Variants in SPAG16 observed in about 807,000 individuals in gnomAD.
SPAG16 encodes sperm-associated antigen 16 protein.
SPAG16 carries 86 observed loss-of-function variants against 80.4 expected under a neutral mutation model. The ratio of observed to expected loss-of-function variants is 1.07; its 90% CI spans 0.90 to 1.28. The LOEUF (loss-of-function observed/expected upper bound fraction) is 1.28. SPAG16 is among the 50% of genes most tolerant of loss of function. The pLI, the probability that SPAG16 is intolerant of heterozygous loss-of-function variation, is 0.00. For missense variants in SPAG16, 870 were observed against 765.3 expected (o/e 1.14, Z -1.61); for synonymous variants, 294 against 265.9 (o/e 1.11, Z -1.03).
chr2:214,250,905 G>T (rs778134801), intron 15 of SPAG16, among the ~76,000 whole-genome samples: 61 of 150,490 alleles, frequency 4.1e-4, no homozygotes, highest in Non-Finnish European at 8.0e-4. Context: ...TTGATGGTTT[G>T]TTCCACTTTA....
At chr2:213,669,121 TG>T (rs2125213552) in intron 10 of SPAG16, among the ~76,000 whole-genome samples, 1 of 152,352 alleles carries the variant, frequency 6.6e-6, no homozygotes, top group African/African-American at 2.4e-5. Context: ...TGTTTGATTT[TG>T]TTTGGATAGG....
intron 15 of SPAG16, among the ~76,000 whole-genome samples, chr2:214,386,256 T>C (rs1574475364): frequency 1.3e-5 from 2 of 152,022 alleles, no homozygotes; most frequent in South Asian, 4.2e-4. Context: ...TCGCCTGTAA[T>C]CCCAGCTACT....
chr2:214,010,779 C>T (rs114083821), intron 12 of SPAG16, among the ~76,000 whole-genome samples: 2,859 of 146,148 alleles, frequency 0.02, 228 homozygotes, highest in South Asian at 0.057. Context: ...AGGAGGGACG[C>T]TGAGTTTGAG....
chr2:214,193,429 G>GTGTGTGTGTGTGTGT (rs1559119411), intron 15 of SPAG16, among the ~76,000 whole-genome samples: 2 of 67,910 alleles, frequency 2.9e-5, no homozygotes, highest in African/African-American at 9.0e-5. Context: ...GTGTGTATGA[G>GTGTGTGTGTGTGTGT]AGAGAGAGAG....
intron 10 of SPAG16, among the ~76,000 whole-genome samples, chr2:213,790,769 G>C (rs968450282): frequency 6.6e-5 from 10 of 151,972 alleles, no homozygotes; most frequent in African/African-American, 2.4e-4. Context: ...AGATGTAAGA[G>C]GTAATCTTTG....
chr2:213,482,253 T>G (rs1271643315), intron 9 of SPAG16, among the ~76,000 whole-genome samples: 2 of 152,270 alleles, frequency 1.3e-5, no homozygotes, highest in African/African-American at 4.8e-5. Flanking sequence ...GCCAAACACA[T>G]GCTGGCACTT....
At position 214,337,706 on chromosome 2, in the gene SPAG16, C is replaced by A. The variant is rs1697395731; in HGVS notation, c.1721-72434C>A. Among the ~76,000 whole-genome samples, 5 of 152,082 alleles carry A rather than the reference C, an allele frequency of 3.3e-5. No homozygotes were observed. The South Asian group carries it at 1.0e-3, about 31-fold the overall frequency. ...GGCTCATGAGAGCCAATTGTGACATCCAATTCTGCATTAAGGGATATTACG... is the reference window on the plus strand; with the variant it reads ...GGCTCATGAGAGCCAATTGTGACATACAATTCTGCATTAAGGGATATTACG... On this transcript the variant is annotated intron_variant, in intron 15 of 15. Transcript: ENST00000331683.
chr2:214,340,122 A>G (rs1697570695), intron 15 of SPAG16, among the ~76,000 whole-genome samples: 1 of 152,222 alleles, frequency 6.6e-6, no homozygotes, highest in Admixed American at 6.5e-5. Flanking sequence ...AGAAAGAACA[A>G]GAACGCAAGA....
rs144285435 is a variant in SPAG16 at position 213,659,978 on chromosome 2, T to C, written c.1070+169888T>C. 4.5e-3 allele frequency among the ~76,000 whole-genome samples: 679 copies of C among 152,246 alleles called. 3 individuals carry two copies. The highest frequency in any genetic ancestry group is 0.014 in the African/African-American group (596 of 41,546). ...TCCATTGGGATTCTTTCTCTTTTCT[T>C]TCTTTTTTTTAAGATGACTGGCCCC... On this transcript the variant is annotated intron_variant, in intron 10 of 15. Coordinates refer to ENST00000331683, the MANE Select transcript of SPAG16 (RefSeq NM_024532.5).
At chr2:213,930,447 T>A (rs1156313359) in intron 12 of SPAG16, among the ~76,000 whole-genome samples, 1 of 152,208 alleles carries the variant, frequency 6.6e-6, no homozygotes, top group Non-Finnish European at 1.5e-5. Context: ...AACAAATACT[T>A]CTTTTAAAGA....
chr2:214,120,431 C>A (rs2054161004), intron 14 of SPAG16, among the ~76,000 whole-genome samples: 1 of 151,640 alleles, frequency 6.6e-6, no homozygotes, highest in Admixed American at 6.6e-5. Flanking sequence ...ATATTAATTT[C>A]TTTTTTTACT....
chr2:213,305,032 G>T (rs1359591087), intron 3 of SPAG16, among the ~76,000 whole-genome samples: 1 of 151,962 alleles, frequency 6.6e-6, no homozygotes, highest in East Asian at 1.9e-4. Flanking sequence ...TCATTTTGTT[G>T]TTTCTTTTTC....
intron 15 of SPAG16, among the ~76,000 whole-genome samples, chr2:214,180,361 C>T (rs1265663121): frequency 6.6e-6 from 1 of 151,572 alleles, no homozygotes; most frequent in Non-Finnish European, 1.5e-5. Context: ...CCACAGTGAT[C>T]TATGAGTTAA....
intron 5 of SPAG16, among the ~76,000 whole-genome samples, chr2:213,330,482 CTTTG>C (rs1004288678): frequency 2.0e-5 from 3 of 152,182 alleles, no homozygotes; most frequent in Admixed American, 6.5e-5. Flanking sequence ...CTTGTAGTCC[CTTTG>C]TTTGGGCCAA....
chr2:213,420,459 C>T (rs1000803940), intron 9 of SPAG16, among the ~76,000 whole-genome samples: 1 of 152,136 alleles, frequency 6.6e-6, no homozygotes, highest in African/African-American at 2.4e-5. Context: ...TTATTACTCA[C>T]AAGTAGTGTT....
intron 10 of SPAG16, among the ~76,000 whole-genome samples, chr2:213,859,178 CAAAAAAAAAAAAAAAA>C (rs1165853142): frequency 2.1e-4 from 2 of 9,368 alleles, no homozygotes; most frequent in African/African-American, 9.9e-4. Context: ...CACTCCGTCT[CAAAAAAAAAAAAAAAA>C]AAAAAAAAAA....
chr2:214,240,173 CCTTGCCCTGGTGGAAAGTCTTGTCCAT>C (rs1326363622), intron 15 of SPAG16: 18 of 152,154 alleles, frequency 1.2e-4, no homozygotes, highest in Non-Finnish European at 2.1e-4. Flanking sequence ...GCTCTTTCCA[CCTTGCCCTGGTGGAAAGTCTTGTCCAT>C]ATCACCTCTA....
In SPAG16 at chr2:213,445,387, C is replaced by T. The variant is rs138132565; in HGVS notation, c.943-44576C>T. On this transcript the variant is annotated intron_variant, in intron 9 of 15. Transcript: ENST00000331683. ...TCAATGACCAACAGATATAGCTGGG[C>T]GTGGCGGCTCATGCCTGTGATCCCA... is the stretch of plus-strand genomic sequence containing the variant. Among the ~76,000 whole-genome samples, 966 of 152,290 alleles carry T rather than the reference C, an allele frequency of 6.3e-3. 10 individuals carry two copies. The highest frequency in any genetic ancestry group is 8.0e-3 in the Non-Finnish European group (543 of 68,024).
chr2:213,885,363 T>C (rs572036729), intron 11 of SPAG16, among the ~76,000 whole-genome samples: 2 of 152,156 alleles, frequency 1.3e-5, no homozygotes, highest in African/African-American at 4.8e-5. Flanking sequence ...TGAACTATAG[T>C]GTGTTGGGAA....
Sources: allele counts gnomAD v4.1 joint callset (sites outside exome capture counted in the v4.1 genomes callset), GRCh38; gene constraint gnomAD v4.1.1; transcripts MANE v1.5; gene names NCBI Gene and HGNC (gene_info 2026-07-23, HGNC 2026-07-21).